TBXAS1: variants seen among roughly 807,000 people sequenced by gnomAD.
TBXAS1 encodes the protein thromboxane A synthase 1, also known as thromboxane-A synthase.
TBXAS1 carries 48 observed loss-of-function variants against 60.7 expected under a neutral mutation model. That is an observed-to-expected ratio of 0.79 (90% confidence interval 0.63 to 1.01). The LOEUF is 1.01. TBXAS1 is among the 50% of genes least tolerant of loss of function. The pLI is 0.00. For synonymous variants in TBXAS1, 287 were observed against 269.7 expected, an observed-to-expected ratio of 1.06 and a Z score of -0.63; for missense variants, 685 against 686.3, an observed-to-expected ratio of 1.00 and a Z score of 0.02.
At chr7:139,991,273 T>C (rs972897343) in intron 9 of TBXAS1, among the ~76,000 whole-genome samples, 14 of 152,234 alleles carry the variant, frequency 9.2e-5, no homozygotes, top group African/African-American at 3.1e-4. Flanking sequence ...AGAAAGTCTT[T>C]CTGATCCCTC....
At chr7:139,998,052 C>T (rs1187527182) in intron 9 of TBXAS1, among the ~76,000 whole-genome samples, 1 of 152,224 alleles carries the variant, frequency 6.6e-6, no homozygotes, top group Non-Finnish European at 1.5e-5. Flanking sequence ...AGGATGAACA[C>T]ACCACAACAC....
At chr7:139,828,036 G>A (rs1017185125), upstream of TBXAS1, among the ~76,000 whole-genome samples, 1 of 152,094 alleles carries the variant, frequency 6.6e-6, no homozygotes. Context: ...TCTCTAGATG[G>A]CTGCAGAAGT....
At chr7:139,952,525 A>G in intron 5 of TBXAS1, 1 of 1,535,720 alleles carries the variant, frequency 6.5e-7, no homozygotes, top group Non-Finnish European at 8.7e-7. Context: ...GGCAGCGAAT[A>G]AAATGATTCT....
chr7:139,961,089 A>G (rs527909128), intron 8 of TBXAS1, among the ~76,000 whole-genome samples: 6 of 152,324 alleles, frequency 3.9e-5, no homozygotes, highest in African/African-American at 1.4e-4. Flanking sequence ...TAAAGAAGGT[A>G]GGGGGAAATG....
Position 139,872,515 on chromosome 7 carries a change from A to G in TBXAS1, c.183+187A>G, listed in dbSNP as rs749530417. 1.3e-4 allele frequency among the ~76,000 whole-genome samples: 20 copies of G among 152,118 alleles called. 1 individual carries two copies. Among genetic ancestry groups the G allele is most frequent in the Non-Finnish European group, 2.8e-4 (19 of 68,022 alleles). ...ACTAAATACAAAAAATTAGCTGGGC[A>G]TGGTGGCTCATGCCTGTAATCCCAG... On this transcript the variant is annotated intron_variant, in intron 2 of 12. Coordinates refer to ENST00000448866, the MANE Select transcript of TBXAS1 (RefSeq NM_001061.7).
chr7:139,828,289 G>A (rs1038475265), upstream of TBXAS1, among the ~76,000 whole-genome samples: 4 of 152,062 alleles, frequency 2.6e-5, no homozygotes, highest in Non-Finnish European at 5.9e-5. Context: ...ACTTTCCAGA[G>A]CATTTCACAT....
chr7:139,922,025 G>T (rs1806514475), intron 4 of TBXAS1, among the ~76,000 whole-genome samples: 1 of 151,766 alleles, frequency 6.6e-6, no homozygotes. Flanking sequence ...CAGGGGCTGG[G>T]TAGTAGTGGT....
At chr7:139,834,492 C>T (rs1798929175) in intron 1 of TBXAS1, among the ~76,000 whole-genome samples, 1 of 151,974 alleles carries the variant, frequency 6.6e-6, no homozygotes, top group Middle Eastern at 3.2e-3. Context: ...AATTGAAACA[C>T]ATACACACAC....
intron 1 of TBXAS1, among the ~76,000 whole-genome samples, chr7:139,860,948 C>T (rs748710046): frequency 3.9e-5 from 6 of 152,144 alleles, no homozygotes; most frequent in East Asian, 3.9e-4. Flanking sequence ...CTGAGGTGGG[C>T]GGATCACCTG....
chr7:139,920,572 A>G (rs2117099652), intron 4 of TBXAS1, among the ~76,000 whole-genome samples: 1 of 152,322 alleles, frequency 6.6e-6, no homozygotes, highest in South Asian at 2.1e-4. Context: ...TGATCATCCC[A>G]AGTCAAGCAG....
intron 4 of TBXAS1, among the ~76,000 whole-genome samples, chr7:139,818,472 A>G (rs1798210254): frequency 6.6e-6 from 1 of 152,076 alleles, no homozygotes; most frequent in Admixed American, 6.5e-5. Flanking sequence ...TGGCCTCCCA[A>G]AGTGCTAGGA....
intron 9 of TBXAS1, among the ~76,000 whole-genome samples, chr7:139,965,721 G>C (rs1810734710): frequency 1.3e-5 from 2 of 152,198 alleles, no homozygotes; most frequent in South Asian, 4.2e-4. Flanking sequence ...GCTGGTTGTG[G>C]GGGGGAGTCT....
intron 9 of TBXAS1, among the ~76,000 whole-genome samples, chr7:139,982,381 G>T (rs973568567): frequency 6.6e-6 from 1 of 152,128 alleles, no homozygotes; most frequent in Admixed American, 6.5e-5. Flanking sequence ...TTTAGACTGT[G>T]GGGGAGGCTG....
chr7:139,998,996 T>A (rs1053859802), intron 9 of TBXAS1, among the ~76,000 whole-genome samples: 11 of 152,256 alleles, frequency 7.2e-5, no homozygotes, highest in Non-Finnish European at 1.3e-4. Context: ...AATTTCAACA[T>A]CTAAATCTGC....
At chr7:139,790,751 TA>T (rs771764872) in intron 4 of TBXAS1, among the ~76,000 whole-genome samples, 1 of 152,218 alleles carries the variant, frequency 6.6e-6, no homozygotes, top group Non-Finnish European at 1.5e-5. Flanking sequence ...TAATAGATAT[TA>T]GGGGAATGTG....
intron 1 of TBXAS1, among the ~76,000 whole-genome samples, chr7:139,834,662 C>A (rs1368639103): frequency 2.0e-5 from 3 of 152,082 alleles, no homozygotes; most frequent in Non-Finnish European, 4.4e-5. Flanking sequence ...CACTAAAATA[C>A]AAAAGATCAT....
At chr7:139,826,974 T>C (rs1798452801), upstream of TBXAS1, among the ~76,000 whole-genome samples, 1 of 152,182 alleles carries the variant, frequency 6.6e-6, no homozygotes, top group African/African-American at 2.4e-5. Context: ...GTTTGGAACC[T>C]GAGGGTCAGG....
At chr7:139,811,608 G>C (rs61610473) in intron 4 of TBXAS1, among the ~76,000 whole-genome samples, 2 of 152,032 alleles carry the variant, frequency 1.3e-5, no homozygotes, top group African/African-American at 4.8e-5. Flanking sequence ...CTCAATAACA[G>C]ATAAAGGGAA....
intron 1 of TBXAS1, among the ~76,000 whole-genome samples, chr7:139,853,112 T>C (rs556709606): frequency 1.3e-5 from 2 of 151,874 alleles, no homozygotes; most frequent in Non-Finnish European, 2.9e-5. Context: ...GCAGAGGAGA[T>C]AATGACAGAT....
Sources: allele counts gnomAD v4.1 joint callset (sites outside exome capture counted in the v4.1 genomes callset), GRCh38; gene constraint gnomAD v4.1.1; transcripts MANE v1.5; gene names NCBI Gene and HGNC (gene_info 2026-07-23, HGNC 2026-07-21).